Variants in ZBTB7C observed in about 807,000 individuals in gnomAD.
ZBTB7C encodes zinc finger and BTB domain-containing protein 7C.
In ZBTB7C, 8 loss-of-function variants were observed where a neutral mutation model predicts 25.7. That is an observed-to-expected ratio of 0.31 (90% CI 0.18 to 0.56). The LOEUF is 0.56. ZBTB7C is among the 20% of genes least tolerant of loss of function. The probability of loss-of-function intolerance (pLI) is 0.91; values close to 1 mark genes in which losing one functional copy is unlikely to be tolerated. For missense variants in ZBTB7C, 824 were observed against 855.2 expected (o/e 0.96, Z 0.46); for synonymous variants, 394 against 369.0 (o/e 1.07, Z -0.78).
At chr18:48,341,702 C>A (rs771350948) in intron 1 of ZBTB7C, among the ~76,000 whole-genome samples, 1 of 152,206 alleles carries the variant, frequency 6.6e-6, no homozygotes, top group South Asian at 2.1e-4. Flanking sequence ...CTATTCAAAG[C>A]CGGGATCAGT....
intron 2 of ZBTB7C, among the ~76,000 whole-genome samples, chr18:48,190,376 G>A (rs1013266738): frequency 6.6e-6 from 1 of 152,200 alleles, no homozygotes; most frequent in Non-Finnish European, 1.5e-5. Flanking sequence ...CAACACATTT[G>A]TTGAGTACCT....
intron 1 of ZBTB7C, among the ~76,000 whole-genome samples, chr18:48,358,593 C>G (rs887176251): frequency 1.3e-5 from 2 of 152,300 alleles, no homozygotes; most frequent in East Asian, 3.9e-4. Context: ...CAAAAACGGC[C>G]TAACACAGCA....
intron 2 of ZBTB7C, among the ~76,000 whole-genome samples, chr18:48,201,506 G>A (rs935442836): frequency 6.6e-6 from 1 of 152,014 alleles, no homozygotes. Flanking sequence ...TCTTGAGGGA[G>A]CCCAGTGACT....
intron 4 of ZBTB7C, among the ~76,000 whole-genome samples, chr18:48,032,758 T>C (rs2035820573): frequency 6.6e-6 from 1 of 152,230 alleles, no homozygotes; most frequent in Middle Eastern, 3.4e-3. Flanking sequence ...TTTAAGTCAC[T>C]ATTACACATA....
chr18:48,106,900 G>C (rs2039048387), intron 3 of ZBTB7C, among the ~76,000 whole-genome samples: 1 of 152,110 alleles, frequency 6.6e-6, no homozygotes, highest in Non-Finnish European at 1.5e-5. Flanking sequence ...AAGGGGCTGG[G>C]AGAGGGGGAA....
At chr18:48,285,395 T>C (rs2045013127) in intron 2 of ZBTB7C, among the ~76,000 whole-genome samples, 1 of 152,236 alleles carries the variant, frequency 6.6e-6, no homozygotes, top group South Asian at 2.1e-4. Context: ...TGATCCTGTT[T>C]ATTTATATTT....
At chr18:48,080,261 C>T (rs572494308) in intron 3 of ZBTB7C, among the ~76,000 whole-genome samples, 41 of 152,324 alleles carry the variant, frequency 2.7e-4, no homozygotes, top group African/African-American at 9.6e-4. Context: ...CTGGACAGAC[C>T]CATGTGTGAC....
chr18:48,202,251 CAG>C (rs940347167), intron 2 of ZBTB7C, among the ~76,000 whole-genome samples: 2 of 152,150 alleles, frequency 1.3e-5, no homozygotes, highest in African/African-American at 4.8e-5. Context: ...CAGACACACG[CAG>C]AGAGGGAGCC....
At chr18:48,402,930 T>C (rs142652367) in intron 1 of ZBTB7C, among the ~76,000 whole-genome samples, 1 of 152,376 alleles carries the variant, frequency 6.6e-6, no homozygotes, top group Non-Finnish European at 1.5e-5. Flanking sequence ...AATTTCCTTA[T>C]GAATCTGTTT....
At chr18:48,092,140 C>T (rs770020233) in intron 3 of ZBTB7C, among the ~76,000 whole-genome samples, 4 of 152,260 alleles carry the variant, frequency 2.6e-5, no homozygotes, top group Non-Finnish European at 4.4e-5. Context: ...TGGGTCGACA[C>T]TTCCAGACAC....
intron 2 of ZBTB7C, among the ~76,000 whole-genome samples, chr18:48,192,792 C>T (rs558921690): frequency 6.6e-6 from 1 of 152,296 alleles, no homozygotes; most frequent in South Asian, 2.1e-4. Context: ...AACAATGTGT[C>T]AATATTGTGT....
chr18:48,184,332 T>C (rs1339235024), intron 3 of ZBTB7C, among the ~76,000 whole-genome samples: 1 of 152,190 alleles, frequency 6.6e-6, no homozygotes, highest in African/African-American at 2.4e-5. Context: ...TGTTGCATAA[T>C]CTGAGCAATG....
intron 3 of ZBTB7C, among the ~76,000 whole-genome samples, chr18:48,053,056 C>G (rs376735045): frequency 6.6e-6 from 1 of 152,092 alleles, no homozygotes; most frequent in African/African-American, 2.4e-5. Context: ...TTTCAGATGA[C>G]GAGTGTTCTA....
At chr18:48,397,619 C>T (rs555027280) in intron 1 of ZBTB7C, among the ~76,000 whole-genome samples, 1 of 152,276 alleles carries the variant, frequency 6.6e-6, no homozygotes, top group South Asian at 2.1e-4. Flanking sequence ...GTTGTGGTTG[C>T]TCAGCAATGT....
intron 1 of ZBTB7C, among the ~76,000 whole-genome samples, chr18:48,372,754 C>T (rs1284406458): frequency 6.6e-6 from 1 of 152,074 alleles, no homozygotes; most frequent in African/African-American, 2.4e-5. Flanking sequence ...TTAAACACAC[C>T]CTGTCAATAA....
At position 48,030,296 on chromosome 18, in the gene ZBTB7C, A is replaced by G. The variant is rs113931485; in HGVS notation, c.1209-385T>C. ...GCGACTTCTGCTGATACTGGACTGC[A>G]CTTTAATCTCATACCCACTCTCTCC... On this transcript the variant is annotated intron_variant, in intron 4 of 4. Transcript: ENST00000590800. Among the ~76,000 whole-genome samples the G allele has an allele frequency of 1.0e-3, 159 of 152,234 alleles. 1 individual carries two copies. Among genetic ancestry groups the G allele is most frequent in the African/African-American group, 3.8e-3 (156 of 41,528 alleles).
At chr18:48,107,303 AG>A (rs933109703) in intron 3 of ZBTB7C, among the ~76,000 whole-genome samples, 8 of 106,010 alleles carry the variant, frequency 7.5e-5, no homozygotes, top group Non-Finnish European at 1.6e-4. Flanking sequence ...AGGAGGAGTG[AG>A]GAGGGATGGG....
intron 1 of ZBTB7C, among the ~76,000 whole-genome samples, chr18:48,371,691 C>T (rs539381736): frequency 3.3e-5 from 5 of 152,186 alleles, no homozygotes; most frequent in Non-Finnish European, 7.3e-5. Context: ...GATATGCAGA[C>T]GTTAATGAGC....
At chr18:48,045,728 T>G (rs978038536) in intron 3 of ZBTB7C, among the ~76,000 whole-genome samples, 1 of 152,180 alleles carries the variant, frequency 6.6e-6, no homozygotes, top group Non-Finnish European at 1.5e-5. Flanking sequence ...TCCTGATTCT[T>G]GCCATTTATT....
Sources: gnomAD v4.1 joint callset for allele counts (sites outside exome capture counted in the v4.1 genomes callset) on GRCh38, gnomAD v4.1.1 for gene constraint, MANE v1.5 for transcripts, NCBI Gene and HGNC (gene_info 2026-07-23, HGNC 2026-07-21) for gene names.